The following SVEP1 variants were observed in gnomAD, a reference collection of about 807,000 sequenced individuals.
SVEP1 encodes the protein sushi, von Willebrand factor type A, EGF and pentraxin domain containing 1.
SVEP1 carries 164 observed loss-of-function variants against 367.3 expected under a neutral mutation model. The ratio of observed to expected loss-of-function variants is 0.45; its 90% confidence interval spans 0.39 to 0.51. The LOEUF is 0.51. Among genes scored for constraint, SVEP1 ranks in the 20% least tolerant of loss-of-function variants. SVEP1 has a pLI of 0.00. For missense variants in SVEP1, 4,117 were observed against 4,425.3 expected (o/e 0.93, Z 1.98); for synonymous variants, 1,666 against 1,611.6 (o/e 1.03, Z -0.81).
chr9:110,371,544 G>T (rs1283186073), intron 46 of SVEP1, among the ~76,000 whole-genome samples: 1 of 151,934 alleles, frequency 6.6e-6, no homozygotes, highest in African/African-American at 2.4e-5. Context: ...CACTTCCCTT[G>T]TATGTTTCTG....
At chr9:110,548,884 A>G (rs1362399990) in intron 2 of SVEP1, among the ~76,000 whole-genome samples, 1 of 152,134 alleles carries the variant, frequency 6.6e-6, no homozygotes, top group Non-Finnish European at 1.5e-5. Context: ...GCACTTTGGG[A>G]GGCCCAGGTG....
chr9:110,576,832 A>T (rs1470603269), intron 1 of SVEP1, among the ~76,000 whole-genome samples: 1 of 152,112 alleles, frequency 6.6e-6, no homozygotes, highest in African/African-American at 2.4e-5. Context: ...AATATGCATA[A>T]ATGCTATTAA....
intron 40 of SVEP1, among the ~76,000 whole-genome samples, chr9:110,396,998 C>T (rs1036995795): frequency 4.6e-5 from 7 of 152,262 alleles, no homozygotes; most frequent in African/African-American, 1.7e-4. Flanking sequence ...TTTTATGAGG[C>T]CAGCATCATC....
chr9:110,480,041 C>T (rs1225719238), intron 12 of SVEP1, among the ~76,000 whole-genome samples: 2 of 152,112 alleles, frequency 1.3e-5, no homozygotes, highest in Non-Finnish European at 2.9e-5. Flanking sequence ...GAAGAAGATA[C>T]ATAAAAATTG....
intron 1 of SVEP1, among the ~76,000 whole-genome samples, chr9:110,554,723 TGTGC>T (rs1257567612): frequency 2.8e-5 from 3 of 105,826 alleles, no homozygotes; most frequent in South Asian, 7.4e-4. Flanking sequence ...TATGTATAGA[TGTGC>T]GTGTGTGTGT....
At chr9:110,549,639 GA>G (rs202093410) in intron 2 of SVEP1, among the ~76,000 whole-genome samples, 14 of 151,470 alleles carry the variant, frequency 9.2e-5, no homozygotes, top group African/African-American at 1.9e-4. Flanking sequence ...CAGCTGCTAA[GA>G]AAAAAAACAA....
At chr9:110,431,815 G>C in intron 32 of SVEP1, 100 bp downstream of exon 32, 2 of 1,478,682 alleles carry the variant, frequency 1.4e-6, no homozygotes, top group African/African-American at 1.4e-5. Context: ...GCCCTTTGAA[G>C]TTGAAACAAT....
At chr9:110,517,243 T>C (rs1829816240) in intron 3 of SVEP1, among the ~76,000 whole-genome samples, 1 of 152,106 alleles carries the variant, frequency 6.6e-6, no homozygotes, top group African/African-American at 2.4e-5. Context: ...GAGGATTACC[T>C]GAGCCCAAGA....
At chr9:110,501,793 C>T (rs1271595918) in intron 6 of SVEP1, among the ~76,000 whole-genome samples, 2 of 152,038 alleles carry the variant, frequency 1.3e-5, no homozygotes, top group Non-Finnish European at 2.9e-5. Context: ...TACTAAGCAA[C>T]CATACAATTT....
In SVEP1 at chr9:110,483,804, G is replaced by A. The variant is rs989797385; in HGVS notation, c.1931-111C>T. ...TGTGCTGGCAGACAGCCTTGAGCTT[G>A]CAAGAAACAAGGCTGACTCTGTGGC... On this transcript the variant is annotated intron_variant, in intron 9 of 47. Transcript: ENST00000374469. The A allele has an allele frequency of 3.1e-5, 20 of 655,652 alleles. No homozygotes were observed. The Middle Eastern group carries it at 9.4e-4, about 31-fold the overall frequency. The allele number at this position is 655,652 out of a possible 1,614,324, so 40.6% of individuals were successfully genotyped here. A position where few individuals can be genotyped will look rare whatever the true frequency, so the allele number is the denominator to read the frequency against.
intron 27 of SVEP1, among the ~76,000 whole-genome samples, chr9:110,441,580 C>A (rs1262973128): frequency 1.3e-5 from 2 of 152,176 alleles, no homozygotes; most frequent in Non-Finnish European, 2.9e-5. Context: ...GGATACACAT[C>A]CAGGGATCTG....
At chr9:110,515,635 A>C (rs1477174684) in intron 3 of SVEP1, among the ~76,000 whole-genome samples, 1 of 152,118 alleles carries the variant, frequency 6.6e-6, no homozygotes, top group East Asian at 1.9e-4. Flanking sequence ...ATCTCATTTA[A>C]TCCTCACAGT....
At chr9:110,432,701 T>C (rs1336571676) in intron 30 of SVEP1, 66 bp from the exon 31 acceptor site, 23 of 1,514,986 alleles carry the variant, frequency 1.5e-5, no homozygotes. Flanking sequence ...ACTTTATTTG[T>C]ATTAAACTAG....
intron 3 of SVEP1, among the ~76,000 whole-genome samples, chr9:110,544,098 G>C (rs556965387): frequency 3.3e-5 from 5 of 151,952 alleles, no homozygotes; most frequent in Admixed American, 3.3e-4. Context: ...AAGGAGATGA[G>C]AGGAGTAAAA....
At chr9:110,443,485 C>G in intron 27 of SVEP1, 60 bp downstream of exon 27, 2 of 1,332,296 alleles carry the variant, frequency 1.5e-6, no homozygotes, top group South Asian at 4.1e-5. Flanking sequence ...ACCTGATGTC[C>G]ATTTAAGCAG....
chr9:110,423,335 A>G (rs949604137), intron 36 of SVEP1, among the ~76,000 whole-genome samples: 3 of 152,130 alleles, frequency 2.0e-5, no homozygotes, highest in African/African-American at 7.2e-5. Flanking sequence ...CAGGAAGTAG[A>G]AACATGAAAC....
intron 3 of SVEP1, among the ~76,000 whole-genome samples, chr9:110,514,500 CA>C (rs1829774587): frequency 9.9e-6 from 1 of 101,148 alleles, no homozygotes; most frequent in Admixed American, 1.1e-4. Context: ...GCAACAAGAG[CA>C]AAACTCCATC....
intron 20 of SVEP1, 117 bp from the exon 21 acceptor site, chr9:110,457,469 G>T: frequency 1.3e-6 from 1 of 765,466 alleles, no homozygotes; most frequent in Non-Finnish European, 2.2e-6. Context: ...TTCCAGGTAA[G>T]TTCACTCAAG....
At chr9:110,414,465 C>T (rs376682705) in intron 36 of SVEP1, among the ~76,000 whole-genome samples, 14 of 152,076 alleles carry the variant, frequency 9.2e-5, no homozygotes, top group East Asian at 7.7e-4. Context: ...TGCTGCATTT[C>T]GTTGCTTTAG....
Sources: allele counts gnomAD v4.1 joint callset (sites outside exome capture counted in the v4.1 genomes callset), GRCh38; gene constraint gnomAD v4.1.1; transcripts MANE v1.5; gene names NCBI Gene and HGNC (gene_info 2026-07-23, HGNC 2026-07-21).